The following CISD1 variants were observed in gnomAD, a reference collection of about 807,000 sequenced individuals.
CISD1 encodes CDGSH iron sulfur domain 1.
A neutral mutation model predicts 12.0 loss-of-function variants in CISD1; 8 were observed. The observed-to-expected ratio is 0.67, with a 90% CI of 0.39 to 1.20. The LOEUF is 1.20. Ranked by LOEUF, CISD1 falls within the 50% of genes most tolerant of loss-of-function variation. CISD1 has a pLI of 0.01. For missense variants in CISD1, 107 were observed against 132.7 expected (o/e 0.81, Z 0.95); for synonymous variants, 38 against 42.2 (o/e 0.90, Z 0.39).
rs2790171 is a variant in CISD1, at chr10:58,269,175, C to T, written c.-99C>T. 0.025 allele frequency: 32,873 copies of T among 1,302,816 alleles called. 818 individuals carry two copies. Among genetic ancestry groups the T allele is most frequent in the African/African-American group, 0.1 (7,138 of 69,062 alleles). 80.7% of individuals were successfully genotyped at this position (1,302,816 alleles called of 1,614,324 possible). A position where few individuals can be genotyped will look rare whatever the true frequency, so the allele number is the denominator to read the frequency against. ...CGCCTGCGCGGTAGCATCGCGGAGT[C>T]GGTGCTTTAGTACGCCGCTGGCACC... On this transcript the variant is annotated 5_prime_UTR_variant, in exon 1 of 3. Transcript: ENST00000333926.
At chr10:58,271,873 C>T (rs1409578189) in intron 1 of CISD1, among the ~76,000 whole-genome samples, 2 of 152,124 alleles carry the variant, frequency 1.3e-5, no homozygotes, top group Non-Finnish European at 2.9e-5. Context: ...GCTCTTGATA[C>T]CAGTATGGTC....
chr10:58,271,385 C>A (rs1839247846), intron 1 of CISD1, among the ~76,000 whole-genome samples: 1 of 152,136 alleles, frequency 6.6e-6, no homozygotes, highest in Admixed American at 6.5e-5. Flanking sequence ...GTCATGAGGA[C>A]TGTAGGGAGA....
Position 58,287,579 on chromosome 10 carries a change from G to A in CISD1, c.256G>A (p.Ala86Thr). ...RSKKFPFCDG[A>T]HTKHNEETGD... ...TTCCTAGTTCCCATTCTGTGATGGG[G>A]CTCACACAAAACATAACGAAGAGAC... The change falls in exon 3 of 3, where the codon GCT becomes ACT. Residue 86 changes from alanine to threonine, a missense_variant. Ala to Thr is a moderately conservative substitution (Grantham distance 58). Transcript: ENST00000333926. 1.2e-6 allele frequency: 2 copies of A among 1,608,308 alleles called. No individual in the cohort carries two copies. The highest frequency in any genetic ancestry group is 2.2e-5 in the South Asian group (2 of 90,240).
At chr10:58,276,451 G>C (rs1227713235) in intron 1 of CISD1, among the ~76,000 whole-genome samples, 1 of 151,830 alleles carries the variant, frequency 6.6e-6, no homozygotes, top group African/African-American at 2.4e-5. Flanking sequence ...TTATTTTAAT[G>C]AGAAAACACT....
Position 58,287,555 on chromosome 10 carries a change from TC to T in CISD1, c.238-4del. 6.3e-7 allele frequency: 1 copy of T among 1,598,922 alleles called. No individual in the cohort carries two copies. The highest frequency in any genetic ancestry group is 8.6e-7 in the Non-Finnish European group (1 of 1,169,046). ...GATGTTTCACATTCATTCTTTCTCT[TC>T]CTAGTTCCCATTCTGTGATGGGGCT... On this transcript the variant is annotated splice_region_variant and splice_polypyrimidine_tract_variant and intron_variant, in intron 2 of 2. Coordinates refer to ENST00000333926, the MANE Select transcript of CISD1 (RefSeq NM_018464.5).
At chr10:58,274,440 CTTTTTTTTTTTTTTT>C (rs34405014) in intron 1 of CISD1, among the ~76,000 whole-genome samples, 1 of 79,136 alleles carries the variant, frequency 1.3e-5, no homozygotes, top group Non-Finnish European at 2.3e-5. Flanking sequence ...AAAATAACAA[CTTTTTTTTTTTTTTT>C]TTTTTTTTTT....
chr10:58,276,925 G>C (rs1004977162), intron 1 of CISD1, among the ~76,000 whole-genome samples, 192 bp from the exon 2 acceptor site: 32 of 151,798 alleles, frequency 2.1e-4, no homozygotes, highest in African/African-American at 7.7e-4. Context: ...ATACACAATT[G>C]CTTCAATAAG....
In CISD1 at chr10:58,269,232, A is replaced by G; in HGVS notation, c.-42A>G. On this transcript the variant is annotated 5_prime_UTR_variant, in exon 1 of 3. Transcript: ENST00000333926. ...CTCGCCGGCCGCGCGAACCCGTTTG[A>G]GCTCGGTATCCTAGTGCACACGCCT... 1 of 1,602,614 alleles carries G rather than the reference A, an allele frequency of 6.2e-7. No individual in the cohort carries two copies. Among genetic ancestry groups the G allele is most frequent in the South Asian group, 1.1e-5 (1 of 90,980 alleles).
chr10:58,271,590 G>T (rs2132275993), intron 1 of CISD1, among the ~76,000 whole-genome samples: 1 of 152,224 alleles, frequency 6.6e-6, no homozygotes, highest in South Asian at 2.1e-4. Flanking sequence ...TCTTTTAATT[G>T]GGGGAAAGAT....
At chr10:58,271,551 T>A (rs73301031) in intron 1 of CISD1, among the ~76,000 whole-genome samples, 12,814 of 152,240 alleles carry the variant, frequency 0.084, 793 homozygotes, top group African/African-American at 0.17. Flanking sequence ...AAACCAAGTT[T>A]ATTCCTACAG....
chr10:58,273,555 T>C (rs1187365507), intron 1 of CISD1: 1 of 148,274 alleles, frequency 6.7e-6, no homozygotes, highest in Non-Finnish European at 1.5e-5. Flanking sequence ...AAAAAAAAGC[T>C]GAAGATTGGG....
intron 1 of CISD1, among the ~76,000 whole-genome samples, chr10:58,270,455 CTA>C (rs1040347226): frequency 3.3e-5 from 5 of 152,084 alleles, no homozygotes; most frequent in African/African-American, 9.7e-5. Context: ...TTTTAAAAAA[CTA>C]TATTCTCTTG....
chr10:58,272,260 T>G (rs1393681906), intron 1 of CISD1, among the ~76,000 whole-genome samples: 1 of 151,674 alleles, frequency 6.6e-6, no homozygotes, highest in Non-Finnish European at 1.5e-5. Flanking sequence ...CCAGGTAATT[T>G]TGAAAGGCAT....
chr10:58,287,703 T>C lies in CISD1; in HGVS notation c.*53T>C. ...CTTGTCGTGAAGTTACCTGATTGTT[T>C]AATTAGAATGACTACCACCTCTGTC... On this transcript the variant is annotated 3_prime_UTR_variant, in exon 3 of 3. Transcript: ENST00000333926. 1 of 1,190,316 alleles carries C rather than the reference T, an allele frequency of 8.4e-7. No homozygotes were observed. Among genetic ancestry groups the C allele is most frequent in the African/African-American group, 1.5e-5 (1 of 65,974 alleles). 73.7% of individuals were successfully genotyped at this position (1,190,316 alleles called of 1,614,324 possible). A position where few individuals can be genotyped will look rare whatever the true frequency, so the allele number is the denominator to read the frequency against.
intron 2 of CISD1, chr10:58,282,885 C>T (rs1180989182): frequency 6.6e-6 from 1 of 152,162 alleles, no homozygotes; most frequent in East Asian, 1.9e-4. Context: ...AGGTTCCTTT[C>T]CCTGCAACTT....
chr10:58,272,129 A>G (rs1272856635), intron 1 of CISD1, among the ~76,000 whole-genome samples: 1 of 152,064 alleles, frequency 6.6e-6, no homozygotes, highest in Non-Finnish European at 1.5e-5. Context: ...TCTTTTGCTT[A>G]AATCTTTGCC....
At chr10:58,275,708 G>C (rs944189905) in intron 1 of CISD1, among the ~76,000 whole-genome samples, 2 of 152,120 alleles carry the variant, frequency 1.3e-5, no homozygotes, top group African/African-American at 4.8e-5. Flanking sequence ...AGAAAGTGAG[G>C]ATAAACCGGA....
At chr10:58,269,400 C>T (rs1839214121) in intron 1 of CISD1, 96 bp downstream of exon 1, 3 of 1,161,560 alleles carry the variant, frequency 2.6e-6, no homozygotes, top group East Asian at 2.4e-5. Flanking sequence ...CCTACGCGCC[C>T]GCCGGTCCTA....
At chr10:58,282,423 T>C (rs776766323) in intron 2 of CISD1, among the ~76,000 whole-genome samples, 4 of 152,240 alleles carry the variant, frequency 2.6e-5, no homozygotes, top group Non-Finnish European at 4.4e-5. Context: ...TTTAAATTAT[T>C]ACGTCATCTC....
Sources: gnomAD v4.1 joint callset for allele counts (sites outside exome capture counted in the v4.1 genomes callset) on GRCh38, gnomAD v4.1.1 for gene constraint, MANE v1.5 for transcripts, NCBI Gene and HGNC (gene_info 2026-07-23, HGNC 2026-07-21) for gene names.